The following ZNF92 variants were observed in gnomAD, a reference collection of about 807,000 sequenced individuals.
The protein encoded by ZNF92 is epididymis luminal protein 203.
ZNF92 carries 11 observed loss-of-function variants against 12.4 expected under a neutral mutation model. The observed-to-expected ratio is 0.89, with a 90% CI of 0.56 to 1.47. ZNF92 has a LOEUF of 1.47. Among genes scored for constraint, ZNF92 ranks in the 40% most tolerant of loss-of-function variants. The probability of loss-of-function intolerance (pLI) is 0.00; values close to 1 mark genes in which losing one functional copy is unlikely to be tolerated. For synonymous variants in ZNF92, 206 were observed against 228.6 expected, an observed-to-expected ratio of 0.90 and a Z score of 0.89; for missense variants, 622 against 681.0, an observed-to-expected ratio of 0.91 and a Z score of 0.96.
intron 1 of ZNF92, among the ~76,000 whole-genome samples, chr7:65,386,734 G>A (rs1400385088): frequency 6.6e-6 from 1 of 152,026 alleles, no homozygotes; most frequent in Non-Finnish European, 1.5e-5. Flanking sequence ...TTTCTTTATG[G>A]TTAAATTCAG....
chr7:65,386,845 A>G (rs1793579388), intron 1 of ZNF92, among the ~76,000 whole-genome samples: 1 of 151,990 alleles, frequency 6.6e-6, no homozygotes, highest in Non-Finnish European at 1.5e-5. Flanking sequence ...AGTTGATATT[A>G]ATGATTCACT....
At chr7:65,376,113 C>T (rs1331357379) in intron 1 of ZNF92, among the ~76,000 whole-genome samples, 1 of 151,814 alleles carries the variant, frequency 6.6e-6, no homozygotes, top group African/African-American at 2.4e-5. Flanking sequence ...GGGTTTCACT[C>T]TGTTGCCCAG....
intron 1 of ZNF92, among the ~76,000 whole-genome samples, chr7:65,376,886 T>G (rs1294155717): frequency 6.6e-6 from 1 of 152,152 alleles, no homozygotes; most frequent in Non-Finnish European, 1.5e-5. Flanking sequence ...GAAAATATGG[T>G]AGATAATTGG....
rs1562793074 is a variant in ZNF92 at position 65,387,889 on chromosome 7, G to T, written c.4-13G>T. On this transcript the variant is annotated splice_polypyrimidine_tract_variant and intron_variant, in intron 1 of 3. Transcript: ENST00000328747. Reference sequence around the variant, plus strand: ...AACATATGTGTGTTTGTGTGTGTGTGTGTGTTTTTCAGGGACCACTGACAT... The same window carrying T: ...AACATATGTGTGTTTGTGTGTGTGTTTGTGTTTTTCAGGGACCACTGACAT... The T allele has an allele frequency of 2.5e-6, 4 of 1,594,462 alleles. No homozygotes were observed. The highest frequency in any genetic ancestry group is 3.5e-5 in the Admixed American group (2 of 56,784).
chr7:65,400,650 A>C lies in ZNF92; in HGVS notation c.*775A>C, dbSNP rs1172360733. 2 of 152,042 alleles carry C rather than the reference A, an allele frequency of 1.3e-5. No individual in the cohort carries two copies. The highest frequency in any genetic ancestry group is 2.9e-5 in the Non-Finnish European group (2 of 67,904). 9.4% of individuals were successfully genotyped at this position (152,042 alleles called of 1,614,324 possible). On this transcript the variant is annotated 3_prime_UTR_variant, in exon 4 of 4. Transcript: ENST00000328747. The stretch of plus-strand genomic sequence containing the variant: ...GGTAAGTTATTTATATATAACTTTA[A>C]AAGAAGTAGAAGATTTTTTGGAGAT...
At chr7:65,385,120 A>G (rs1425302470) in intron 1 of ZNF92, among the ~76,000 whole-genome samples, 2 of 152,134 alleles carry the variant, frequency 1.3e-5, no homozygotes, top group Non-Finnish European at 1.5e-5. Flanking sequence ...AACTAGTGCT[A>G]ATAATGAGCG....
chr7:65,374,137 G>C, intron 1 of ZNF92, 137 bp downstream of exon 1: 1 of 1,249,458 alleles, frequency 8.0e-7, no homozygotes, highest in Non-Finnish European at 1.1e-6. Flanking sequence ...GGCGCAGCTC[G>C]GCCCTCAGTC....
At chr7:65,398,283 A>C in intron 3 of ZNF92, 58 bp from the exon 4 acceptor site, 1 of 1,361,336 alleles carries the variant, frequency 7.3e-7, no homozygotes, top group Admixed American at 2.8e-5. Flanking sequence ...TTAAATTTGT[A>C]AAGTATATTC....
In ZNF92 at chr7:65,399,224, ATG is replaced by A; in HGVS notation, c.1113_1114del (p.Cys371Ter). The A allele has an allele frequency of 1.2e-6, 2 of 1,613,250 alleles. No individual in the cohort carries two copies. The highest frequency in any genetic ancestry group is 2.2e-5 in the South Asian group (2 of 91,030). ...IIHTGEKPYKCDECGKAFNQS... is the reference protein window; with the variant it reads ...IIHTGEKPYKXDECGKAFNQS... ...TTCATACTGGAGAGAAACCCTACAAATGTGATGAATGTGGCAAAGCCTTTAAC... is the reference window on the plus strand; with the variant it reads ...TTCATACTGGAGAGAAACCCTACAAATGATGAATGTGGCAAAGCCTTTAAC... On this transcript the variant is annotated frameshift_variant, in exon 4 of 4. Coordinates refer to ENST00000328747, the MANE Select transcript of ZNF92 (RefSeq NM_152626.4). LOFTEE classifies it low-confidence loss of function (END_TRUNC).
Position 65,398,661 on chromosome 7 carries a change from T to G in ZNF92, c.547T>G (p.Cys183Gly). ...FKCKNRGKSF[C>G]MLSQLTQHKK... ...ATGTAAAAACCGTGGCAAATCATTT[T>G]GCATGCTTTCACAATTAACTCAACA... Residue 183 changes from cysteine (C) to glycine (G), a missense_variant, in exon 4 of 4, where the codon TGC becomes GGC. By Grantham distance (159) the Cys-to-Gly change is radical. Transcript: ENST00000328747. 6.2e-7 allele frequency: 1 copy of G among 1,612,188 alleles called. No homozygotes were observed. The highest frequency in any genetic ancestry group is 1.1e-5 in the South Asian group (1 of 90,680).
At chr7:65,385,731 G>A (rs1008116206) in intron 1 of ZNF92, among the ~76,000 whole-genome samples, 5 of 152,082 alleles carry the variant, frequency 3.3e-5, no homozygotes, top group African/African-American at 1.2e-4. Flanking sequence ...GGGTGTGGTG[G>A]TAGCAGGTAA....
chr7:65,382,818 G>A (rs140918816), intron 1 of ZNF92, among the ~76,000 whole-genome samples: 30 of 152,060 alleles, frequency 2.0e-4, no homozygotes, highest in African/African-American at 6.8e-4. Flanking sequence ...TCTGAATCTG[G>A]GTCTTGCAGT....
rs1311401287 is a variant in ZNF92, at chr7:65,399,697, A to T, written c.1583A>T (p.Lys528Met). The change falls in exon 4 of 4, where the codon AAG (lysine) becomes ATG (methionine). Residue 528 changes from lysine to methionine, a missense_variant. Physicochemically the swap from Lys to Met is moderately conservative, Grantham distance 95. Coordinates refer to ENST00000328747, the MANE Select transcript of ZNF92 (RefSeq NM_152626.4). ...FNQSSNLTAR[K>M]IIYTGEKPYK... ...CAGTCCTCAAACCTTACTGCACGTA[A>T]GATAATTTATACTGGAGAGAAACCC... The T allele has an allele frequency of 6.2e-7, 1 of 1,613,254 alleles. No homozygotes were observed. Among genetic ancestry groups the T allele is most frequent in the Middle Eastern group, 1.7e-4 (1 of 6,054 alleles).
At chr7:65,384,590 T>C (rs932140385) in intron 1 of ZNF92, among the ~76,000 whole-genome samples, 2 of 152,148 alleles carry the variant, frequency 1.3e-5, no homozygotes, top group Non-Finnish European at 1.5e-5. Flanking sequence ...TAGCAACTTA[T>C]TCCTTATTCT....
At chr7:65,378,602 C>T (rs1017038331) in intron 1 of ZNF92, among the ~76,000 whole-genome samples, 19 of 150,542 alleles carry the variant, frequency 1.3e-4, no homozygotes, top group Admixed American at 5.9e-4. Flanking sequence ...AGTAGCTGGG[C>T]GTGGTGGCGG....
Position 65,392,622 on chromosome 7 carries a change from C to T in ZNF92, c.226+3721C>T, listed in dbSNP as rs546966710. Among the ~76,000 whole-genome samples, 6 of 151,632 alleles carry T rather than the reference C, an allele frequency of 4.0e-5. No individual in the cohort carries two copies. The East Asian group carries it at 5.8e-4, about 15-fold the overall frequency. On this transcript the variant is annotated intron_variant, in intron 3 of 3. Transcript: ENST00000328747. ...TGTCATCTCAGCTCACCGTAACCTC[C>T]GCCTCCTGAGTTCAAGTGATTCTCC...
intron 3 of ZNF92, among the ~76,000 whole-genome samples, chr7:65,396,180 G>C (rs184267983): frequency 3.9e-5 from 6 of 152,066 alleles, no homozygotes; most frequent in Admixed American, 3.3e-4. Context: ...CCAAAGTCCT[G>C]GGATTACATT....
chr7:65,388,945 A>G (rs889242499), intron 3 of ZNF92, 44 bp downstream of exon 3: 2 of 1,488,022 alleles, frequency 1.3e-6, no homozygotes, highest in Non-Finnish European at 1.8e-6. Flanking sequence ...TGAGAGGTCC[A>G]AAAGTCAAGG....
In ZNF92 at chr7:65,399,542, T is replaced by A. The variant is rs777429550; in HGVS notation, c.1428T>A (p.Thr476=). 4 of 1,612,200 alleles carry A rather than the reference T, an allele frequency of 2.5e-6. No individual in the cohort carries two copies. Among genetic ancestry groups the A allele is most frequent in the Non-Finnish European group, 2.5e-6 (3 of 1,179,372 alleles). The change falls in exon 4 of 4, where the codon ACT becomes ACA. Residue 476 remains threonine, a synonymous_variant. Coordinates refer to ENST00000328747, the MANE Select transcript of ZNF92 (RefSeq NM_152626.4). ...STLTKHKIIH[T]REKPYKCEEC... ...TTACTAAACATAAAATAATTCATAC[T>A]AGAGAAAAACCCTACAAATGTGAAG...
Sources: gnomAD v4.1 joint callset for allele counts (sites outside exome capture counted in the v4.1 genomes callset) on GRCh38, gnomAD v4.1.1 for gene constraint, MANE v1.5 for transcripts, NCBI Gene and HGNC (gene_info 2026-07-23, HGNC 2026-07-21) for gene names.